NPAS2: variants seen among roughly 807,000 people sequenced by gnomAD.
NPAS2 encodes neuronal PAS domain protein 2, also known as neuronal PAS domain-containing protein 2.
A neutral mutation model predicts 107.5 loss-of-function variants in NPAS2; 23 were observed. The ratio of observed to expected loss-of-function variants is 0.21; its 90% CI spans 0.15 to 0.30. The LOEUF is 0.30. Ranked by LOEUF, NPAS2 falls within the 10% of genes least tolerant of loss-of-function variation. NPAS2 has a pLI of 1.00. For missense variants in NPAS2, 756 were observed against 1,043.3 expected, an observed-to-expected ratio of 0.72 and a Z score of 3.79; for synonymous variants, 403 against 417.5, an observed-to-expected ratio of 0.97 and a Z score of 0.42.
chr2:100,961,390 AT>A (rs772879328), intron 7 of NPAS2, among the ~76,000 whole-genome samples: 4 of 152,156 alleles, frequency 2.6e-5, no homozygotes, highest in Non-Finnish European at 4.4e-5. Context: ...CTTGGCCTCT[AT>A]TAAAGCATTC....
intron 1 of NPAS2, among the ~76,000 whole-genome samples, chr2:100,858,983 G>T (rs536605303): frequency 7.2e-5 from 11 of 152,336 alleles, no homozygotes; most frequent in African/African-American, 2.4e-4. Context: ...ACATGCATTT[G>T]TCTGGGCACG....
intron 3 of NPAS2, among the ~76,000 whole-genome samples, chr2:100,931,146 T>G (rs1381899810): frequency 6.6e-6 from 1 of 152,192 alleles, no homozygotes; most frequent in African/African-American, 2.4e-5. Flanking sequence ...TTCCACCATG[T>G]GCATATGAGG....
intron 1 of NPAS2, among the ~76,000 whole-genome samples, chr2:100,856,952 G>C (rs1678612273): frequency 6.6e-6 from 1 of 152,212 alleles, no homozygotes; most frequent in Admixed American, 6.5e-5. Flanking sequence ...ATTTCTGCCA[G>C]AATTGGGAGT....
chr2:100,934,942 A>G (rs534074436), intron 4 of NPAS2: 1 of 985,316 alleles, frequency 1.0e-6, no homozygotes, highest in African/African-American at 1.7e-5. Context: ...GACAGAGCCC[A>G]GGAGATAACC....
At chr2:100,829,193 T>G (rs1676578109) in intron 1 of NPAS2, among the ~76,000 whole-genome samples, 2 of 151,570 alleles carry the variant, frequency 1.3e-5, no homozygotes. Flanking sequence ...GTTGTTTTTT[T>G]TTTTTTTTTG....
At chr2:100,949,317 G>C in intron 6 of NPAS2, 50 bp from the exon 7 acceptor site, 1 of 1,034,802 alleles carries the variant, frequency 9.7e-7, no homozygotes. Context: ...TTTAGAGTCT[G>C]TGCAATGCTC....
chr2:100,927,137 T>C (rs1158901921), intron 3 of NPAS2, among the ~76,000 whole-genome samples: 1 of 151,996 alleles, frequency 6.6e-6, no homozygotes, highest in Non-Finnish European at 1.5e-5. Flanking sequence ...GGTTTCACCA[T>C]GTTAGCCAGG....
At chr2:100,830,839 G>A (rs1160178169) in intron 1 of NPAS2, among the ~76,000 whole-genome samples, 1 of 152,098 alleles carries the variant, frequency 6.6e-6, no homozygotes, top group Non-Finnish European at 1.5e-5. Flanking sequence ...AGCATCATAC[G>A]TCCACATAGG....
intron 2 of NPAS2, among the ~76,000 whole-genome samples, chr2:100,913,649 CT>C (rs1682692792): frequency 6.6e-6 from 1 of 152,112 alleles, no homozygotes. Flanking sequence ...CCTCTTTTCT[CT>C]TTTTACTGCC....
At chr2:100,933,608 T>G (rs1684118388) in intron 4 of NPAS2, among the ~76,000 whole-genome samples, 1 of 152,192 alleles carries the variant, frequency 6.6e-6, no homozygotes, top group African/African-American at 2.4e-5. Context: ...GCCGTATTTG[T>G]GAAAACCTGG....
At chr2:100,889,088 CTG>C (rs1221337954) in intron 1 of NPAS2, among the ~76,000 whole-genome samples, 2 of 152,204 alleles carry the variant, frequency 1.3e-5, no homozygotes, top group Non-Finnish European at 2.9e-5. Flanking sequence ...CATTGAGAAA[CTG>C]GAGATTTCTA....
chr2:100,881,812 G>A (rs1042320395), intron 1 of NPAS2, among the ~76,000 whole-genome samples: 37 of 152,342 alleles, frequency 2.4e-4, no homozygotes, highest in African/African-American at 8.4e-4. Flanking sequence ...TCCAGGCGCA[G>A]AGGGCTTCAC....
intron 1 of NPAS2, among the ~76,000 whole-genome samples, chr2:100,840,482 C>T (rs1677329390): frequency 6.6e-6 from 1 of 152,058 alleles, no homozygotes; most frequent in African/African-American, 2.4e-5. Context: ...ATTTTTAGGT[C>T]CTTGAGACGC....
At chr2:100,982,192 C>G in intron 15 of NPAS2, 39 bp from the exon 16 acceptor site, 2 of 1,612,386 alleles carry the variant, frequency 1.2e-6, no homozygotes, top group Non-Finnish European at 1.7e-6. Context: ...GCTGAAATAA[C>G]TCTTTCATCT....
chr2:100,948,374 G>A lies in NPAS2; in HGVS notation c.484+19G>A. 3 of 1,583,914 alleles carry A rather than the reference G, an allele frequency of 1.9e-6. No homozygotes were observed. The highest frequency in any genetic ancestry group is 2.6e-6 in the Non-Finnish European group (3 of 1,166,708). On this transcript the variant is annotated intron_variant, in intron 6 of 20. Coordinates refer to ENST00000335681, the MANE Select transcript of NPAS2 (RefSeq NM_002518.4). Reference sequence around the variant, plus strand: ...TTAAAATGTAAGTTTAATTTTTCTGGTTTTACAAGCTAGAAAGATAAGAAT... The same window carrying A: ...TTAAAATGTAAGTTTAATTTTTCTGATTTTACAAGCTAGAAAGATAAGAAT...
chr2:100,971,737 C>T (rs1478888011), intron 12 of NPAS2, among the ~76,000 whole-genome samples: 3 of 152,228 alleles, frequency 2.0e-5, no homozygotes, highest in Admixed American at 6.5e-5. Context: ...CCTAGCCAGA[C>T]GTCTCTTTGT....
At chr2:100,855,243 A>T (rs1395900994) in intron 1 of NPAS2, among the ~76,000 whole-genome samples, 1 of 152,126 alleles carries the variant, frequency 6.6e-6, no homozygotes, top group Non-Finnish European at 1.5e-5. Context: ...CCTTGACATT[A>T]TTTCCTCAGA....
chr2:100,889,548 T>G (rs1680921999), intron 1 of NPAS2, among the ~76,000 whole-genome samples: 1 of 152,222 alleles, frequency 6.6e-6, no homozygotes, highest in African/African-American at 2.4e-5. Flanking sequence ...TCTTGTGTAT[T>G]TGATCCATGC....
intron 1 of NPAS2, among the ~76,000 whole-genome samples, chr2:100,876,843 G>C (rs150857382): frequency 2.8e-3 from 430 of 152,308 alleles, no homozygotes; most frequent in Non-Finnish European, 5.1e-3. Context: ...ATGTGGAGGT[G>C]GACGTCTGCC....
Sources: gnomAD v4.1 joint callset for allele counts (sites outside exome capture counted in the v4.1 genomes callset) on GRCh38, gnomAD v4.1.1 for gene constraint, MANE v1.5 for transcripts, NCBI Gene and HGNC (gene_info 2026-07-23, HGNC 2026-07-21) for gene names.